The following RASSF3 variants were observed in gnomAD, a reference collection of about 807,000 sequenced individuals.
RASSF3 encodes ras association domain-containing protein 3.
A neutral mutation model predicts 19.9 loss-of-function variants in RASSF3; 19 were observed. The ratio of observed to expected loss-of-function variants is 0.96; its 90% CI spans 0.67 to 1.40. RASSF3 has a LOEUF of 1.40. Ranked by LOEUF, RASSF3 falls within the 40% of genes most tolerant of loss-of-function variation. The pLI is 0.00. For synonymous variants in RASSF3, 110 were observed against 104.2 expected (o/e 1.06, Z -0.34); for missense variants, 306 against 289.8 (o/e 1.06, Z -0.41).
Position 64,599,828 on chromosome 12 carries a change from C to T in RASSF3, c.294+58123C>T, listed in dbSNP as rs529525886. ...CGGGTGAATCACGAGGTCAGGAGATCGAGACCATCCTGGCTAACACGGTGA... is the reference window on the plus strand; with the variant it reads ...CGGGTGAATCACGAGGTCAGGAGATTGAGACCATCCTGGCTAACACGGTGA... On this transcript the variant is annotated intron_variant, in intron 2 of 5. Transcript: ENST00000637125. 7.7e-3 allele frequency among the ~76,000 whole-genome samples: 1,164 copies of T among 151,846 alleles called. 10 individuals carry two copies. The highest frequency in any genetic ancestry group is 0.02 in the Middle Eastern group (6 of 294).
At chr12:64,590,866 GA>G (rs1869909107) in intron 2 of RASSF3, among the ~76,000 whole-genome samples, 1 of 152,138 alleles carries the variant, frequency 6.6e-6, no homozygotes, top group South Asian at 2.1e-4. Context: ...GTAACAGTGG[GA>G]TAACTAGGTG....
intron 1 of RASSF3, among the ~76,000 whole-genome samples, chr12:64,525,957 G>T (rs1398237580): frequency 6.6e-6 from 1 of 152,124 alleles, no homozygotes; most frequent in Non-Finnish European, 1.5e-5. Context: ...CAAGCCAGGT[G>T]AACAGGGAGA....
At chr12:64,543,434 C>CCTGCCCG (rs1868982087), downstream of RASSF3, among the ~76,000 whole-genome samples, 1 of 59,566 alleles carries the variant, frequency 1.7e-5, no homozygotes, top group Non-Finnish European at 3.1e-5. Context: ...TCCCCGCCCG[C>CCTGCCCG]CCCCCCCGTG....
chr12:64,520,555 C>CACACATATATAT (rs1435123674), intron 1 of RASSF3, among the ~76,000 whole-genome samples: 62 of 86,326 alleles, frequency 7.2e-4, no homozygotes, highest in East Asian at 2.3e-3. Context: ...CACATACACA[C>CACACATATATAT]ATATATATAT....
intron 2 of RASSF3, among the ~76,000 whole-genome samples, chr12:64,565,300 G>A (rs1035786066): frequency 6.6e-6 from 1 of 152,154 alleles, no homozygotes; most frequent in African/African-American, 2.4e-5. Context: ...GAGCTGGCCA[G>A]GCGTGGTGGC....
chr12:64,545,781 G>A (rs76635932), downstream of RASSF3, among the ~76,000 whole-genome samples: 1,518 of 152,202 alleles, frequency 1.0e-2, 15 homozygotes, highest in Non-Finnish European at 0.015. Flanking sequence ...TTTAAAATGA[G>A]GCAGGAAGAT....
chr12:64,613,841 G>A lies in RASSF3; in HGVS notation c.111+3098G>A, dbSNP rs369193462. The stretch of plus-strand genomic sequence containing the variant: ...TGCTCGCCTGTAGTCCCAGCTACTC[G>A]GGAGACTGAGGTGGGAGCATTGCTT... On this transcript the variant is annotated intron_variant, in intron 1 of 4. Coordinates refer to ENST00000542104, the MANE Select transcript of RASSF3 (RefSeq NM_178169.4). Among the ~76,000 whole-genome samples the A allele has an allele frequency of 1.1e-4, 17 of 152,118 alleles. No homozygotes were observed. The South Asian group carries it at 2.3e-3, about 20-fold the overall frequency.
chr12:64,537,349 A>G (rs953411490), intron 1 of RASSF3, among the ~76,000 whole-genome samples: 1 of 152,344 alleles, frequency 6.6e-6, no homozygotes, highest in African/African-American at 2.4e-5. Context: ...TCTGTCTCAC[A>G]AACAGTAAGT....
chr12:64,531,675 G>A (rs547176608), upstream of RASSF3, among the ~76,000 whole-genome samples: 7 of 152,122 alleles, frequency 4.6e-5, no homozygotes, highest in African/African-American at 1.7e-4. Flanking sequence ...GCTATGTTTA[G>A]CCTGTAGCTT....
chr12:64,622,510 A>G (rs759476343), intron 1 of RASSF3: 3 of 531,274 alleles, frequency 5.6e-6, no homozygotes, highest in Admixed American at 3.9e-5. Context: ...AGGAATCGGC[A>G]TTGGCATCTA....
At chr12:64,553,159 A>G (rs965845599) in intron 2 of RASSF3, among the ~76,000 whole-genome samples, 1 of 152,204 alleles carries the variant, frequency 6.6e-6, no homozygotes, top group Non-Finnish European at 1.5e-5. Context: ...TCTTTTTGAT[A>G]TCACATGATA....
rs1868298488 is a variant in RASSF3 at position 64,507,375 on chromosome 12, TG to T, written c.169+47del. The T allele has an allele frequency of 9.8e-5, 39 of 397,700 alleles. No individual in the cohort carries two copies. In the East Asian group the frequency reaches 1.4e-3, roughly 14 times the overall value. 24.6% of individuals were successfully genotyped at this position (397,700 alleles called of 1,614,324 possible). A position where few individuals can be genotyped will look rare whatever the true frequency, so the allele number is the denominator to read the frequency against. On this transcript the variant is annotated intron_variant, in intron 1 of 5. Transcript: ENST00000637125. ...GCCTTATTTCAAATCCGTTTTTTTG[TG>T]TGTGTGTGTTACATTTTAAAATGGA...
intron 3 of RASSF3, among the ~76,000 whole-genome samples, chr12:64,690,446 A>G (rs895007337): frequency 2.6e-5 from 4 of 151,848 alleles, no homozygotes; most frequent in African/African-American, 9.7e-5. Context: ...CGGCCTCCCA[A>G]AGTGCTGGGA....
At chr12:64,566,506 G>T (rs182982554) in intron 2 of RASSF3, among the ~76,000 whole-genome samples, 52 of 152,262 alleles carry the variant, frequency 3.4e-4, no homozygotes, top group African/African-American at 1.2e-3. Context: ...TGCCTGAAAA[G>T]GTCCTGAAAG....
At chr12:64,668,772 T>A (rs947941937) in intron 1 of RASSF3, among the ~76,000 whole-genome samples, 20 of 151,264 alleles carry the variant, frequency 1.3e-4, no homozygotes, top group Admixed American at 4.0e-4. Flanking sequence ...AGCTCTGCCT[T>A]CCGGGTTCAC....
chr12:64,530,523 C>T (rs532898310), upstream of RASSF3, among the ~76,000 whole-genome samples: 319 of 152,284 alleles, frequency 2.1e-3, no homozygotes, highest in African/African-American at 7.2e-3. Context: ...AATAAAGCTA[C>T]TATAAATATT....
chr12:64,618,757 A>G (rs1361600799), intron 1 of RASSF3, among the ~76,000 whole-genome samples: 4 of 152,238 alleles, frequency 2.6e-5, no homozygotes, highest in Non-Finnish European at 4.4e-5. Flanking sequence ...CAGAAAATAT[A>G]TTCTGAGATA....
At chr12:64,595,906 C>T (rs1021418977) in intron 2 of RASSF3, among the ~76,000 whole-genome samples, 3 of 152,168 alleles carry the variant, frequency 2.0e-5, no homozygotes, top group Non-Finnish European at 4.4e-5. Flanking sequence ...AAACCAGAAC[C>T]CCTTTTCTCC....
chr12:64,585,156 T>A (rs1177849527), intron 2 of RASSF3, among the ~76,000 whole-genome samples: 3 of 152,160 alleles, frequency 2.0e-5, no homozygotes, highest in Admixed American at 2.0e-4. Flanking sequence ...AGTGCTGGGA[T>A]TACAGGCATG....
Sources: gnomAD v4.1 joint callset for allele counts (sites outside exome capture counted in the v4.1 genomes callset) on GRCh38, gnomAD v4.1.1 for gene constraint, MANE v1.5 for transcripts, NCBI Gene and HGNC (gene_info 2026-07-23, HGNC 2026-07-21) for gene names.